The following KDM4A variants were observed in gnomAD, a reference collection of about 807,000 sequenced individuals.
KDM4A encodes lysine demethylase 4A.
Under a neutral mutation model 127.1 loss-of-function variants are expected in KDM4A, and 23 were observed. The observed-to-expected ratio is 0.18, with a 90% CI of 0.13 to 0.26. The LOEUF (loss-of-function observed/expected upper bound fraction) is 0.26, where lower values mean the gene tolerates loss of function less well. Among genes scored for constraint, KDM4A ranks in the 10% least tolerant of loss-of-function variants. The pLI is 1.00. For synonymous variants in KDM4A, 443 were observed against 466.5 expected, an observed-to-expected ratio of 0.95 and a Z score of 0.65; for missense variants, 890 against 1,329.1, an observed-to-expected ratio of 0.67 and a Z score of 5.14.
intron 5 of KDM4A, 125 bp downstream of exon 5, chr1:43,663,212 T>G: frequency 2.5e-6 from 2 of 801,590 alleles, no homozygotes; most frequent in South Asian, 3.7e-5. Context: ...GGGGTGACAT[T>G]CCATGTTTTA....
chr1:43,654,702 AGTGTGT>A (rs58710892), intron 2 of KDM4A, among the ~76,000 whole-genome samples: 17,734 of 131,746 alleles, frequency 0.13, 1,830 homozygotes, highest in African/African-American at 0.28. Context: ...GATGCTTGTG[AGTGTGT>A]GTGTGTGTGT....
chr1:43,690,969 A>G lies in KDM4A; in HGVS notation c.2162A>G (p.Asn721Ser), dbSNP rs767483636. 2.1e-5 allele frequency: 34 copies of G among 1,614,034 alleles called. No homozygotes were observed. In the South Asian group the frequency reaches 3.5e-4, roughly 17 times the overall value. Reference protein sequence around the residue: ...FTSTGCSTDINLSTPYLEEDG... With the variant: ...FTSTGCSTDISLSTPYLEEDG... ...TCGACTGGCTGCAGCACGGACATCAACCTTTCTACTCCTTATCTTGAGGAG... is the reference window on the plus strand; with the variant it reads ...TCGACTGGCTGCAGCACGGACATCAGCCTTTCTACTCCTTATCTTGAGGAG... Residue 721 changes from asparagine (N) to serine (S), a missense_variant, in exon 14 of 22, where the codon AAC (asparagine) becomes AGC (serine). Asn to Ser is a conservative substitution (Grantham distance 46). Around this residue, in one of 7 missense-constraint regions of KDM4A, gnomAD observed 389 missense variants for 485.9 expected, o/e 0.80. Transcript: ENST00000372396.
Position 43,704,524 on chromosome 1 carries a change from A to C in KDM4A, c.*154A>C, listed in dbSNP as rs2154049779. 1.2e-6 allele frequency: 1 copy of C among 805,634 alleles called. No individual in the cohort carries two copies. The highest frequency in any genetic ancestry group is 1.9e-6 in the Non-Finnish European group (1 of 514,834). The allele number at this position is 805,634 out of a possible 1,614,324, so 49.9% of individuals were successfully genotyped here. A position where few individuals can be genotyped will look rare whatever the true frequency, so the allele number is the denominator to read the frequency against. ...ACCCATCATCTTCTCACCCACCCTC[A>C]TTGCATTCCGCTGTAGTGAAAGGAC... On this transcript the variant is annotated 3_prime_UTR_variant, in exon 22 of 22. Transcript: ENST00000372396.
At chr1:43,665,100 C>G (rs943960099) in intron 5 of KDM4A, among the ~76,000 whole-genome samples, 2 of 152,116 alleles carry the variant, frequency 1.3e-5, no homozygotes, top group Non-Finnish European at 2.9e-5. Flanking sequence ...TTTTACTTTT[C>G]ATTTTTTAGG....
At chr1:43,650,990 A>G (rs988843840) in intron 1 of KDM4A, among the ~76,000 whole-genome samples, 6 of 152,162 alleles carry the variant, frequency 3.9e-5, no homozygotes, top group Non-Finnish European at 8.8e-5. Flanking sequence ...GGGATGAACA[A>G]TTGAGGTGAG....
intron 19 of KDM4A, among the ~76,000 whole-genome samples, chr1:43,701,524 G>A (rs1661393406): frequency 6.6e-6 from 1 of 152,064 alleles, no homozygotes; most frequent in Non-Finnish European, 1.5e-5. Context: ...GTCCTGCTCT[G>A]TTGCGCAGCA....
intron 4 of KDM4A, 29 bp downstream of exon 4, chr1:43,660,441 G>C: frequency 1.3e-6 from 2 of 1,564,542 alleles, no homozygotes; most frequent in Non-Finnish European, 1.7e-6. Context: ...CCTCTGTGCA[G>C]TGTTTTTGTA....
At chr1:43,651,940 T>G (rs2154046100) in intron 1 of KDM4A, among the ~76,000 whole-genome samples, 1 of 152,376 alleles carries the variant, frequency 6.6e-6, no homozygotes, top group Admixed American at 6.5e-5. Context: ...TTGATTTCAT[T>G]AAGTACTGCT....
intron 19 of KDM4A, 35 bp from the exon 20 acceptor site, chr1:43,703,582 G>T: frequency 6.2e-7 from 1 of 1,611,286 alleles, no homozygotes; most frequent in Non-Finnish European, 8.5e-7. Flanking sequence ...GCAGGTGGAC[G>T]TTCCTTTCAC....
chr1:43,687,198 TTAGGGTACACTGAGGCGGCGCACAA>T (rs1440671935), intron 12 of KDM4A, among the ~76,000 whole-genome samples: 4 of 152,238 alleles, frequency 2.6e-5, no homozygotes, highest in Non-Finnish European at 4.4e-5. Context: ...GTTGGTGTCC[TTAGGGTACACTGAGGCGGCGCACAA>T]TGGCAGCTGC....
chr1:43,660,483 G>T, intron 4 of KDM4A, 71 bp downstream of exon 4: 3 of 1,527,862 alleles, frequency 2.0e-6, no homozygotes, highest in East Asian at 2.5e-5. Context: ...GGCCCGGCAC[G>T]TAGTAGGCAC....
intron 19 of KDM4A, 183 bp from the exon 20 acceptor site, chr1:43,703,434 C>CA (rs1661458879): frequency 1.8e-6 from 1 of 555,212 alleles, no homozygotes; most frequent in East Asian, 3.3e-5. Flanking sequence ...CAGGAGAGGG[C>CA]AGAGATAGGG....
chr1:43,652,588 A>ATC (rs1350763959), intron 1 of KDM4A, among the ~76,000 whole-genome samples: 3 of 151,680 alleles, frequency 2.0e-5, no homozygotes, highest in Non-Finnish European at 4.4e-5. Flanking sequence ...AACTCAAGCG[A>ATC]TCTGCCCACC....
chr1:43,668,407 G>A (rs1205671690), intron 9 of KDM4A, among the ~76,000 whole-genome samples: 1 of 152,158 alleles, frequency 6.6e-6, no homozygotes, highest in Non-Finnish European at 1.5e-5. Context: ...TTACAGGTGT[G>A]AGCCACCGCG....
intron 1 of KDM4A, chr1:43,650,498 C>T (rs1051358301): frequency 2.6e-5 from 4 of 152,286 alleles, no homozygotes; most frequent in South Asian, 2.1e-4. Flanking sequence ...TTCCTGCGGC[C>T]GAGCTTCACT....
intron 11 of KDM4A, among the ~76,000 whole-genome samples, chr1:43,674,798 C>G (rs1001473872): frequency 1.3e-5 from 2 of 152,068 alleles, no homozygotes; most frequent in African/African-American, 2.4e-5. Flanking sequence ...TGTGAGCCAT[C>G]GCGCCTGGCC....
rs771216218 is a variant in KDM4A at position 43,652,679 on chromosome 1, C to CTT, written c.-39-440_-39-439dup. Among the ~76,000 whole-genome samples, 235 of 118,772 alleles carry CTT rather than the reference C, an allele frequency of 2.0e-3. 1 individual carries two copies. The highest frequency in any genetic ancestry group is 6.5e-3 in the African/African-American group (212 of 32,542). 77.9% of individuals were successfully genotyped at this position (118,772 alleles called of 152,430 possible). ...ATTACTTTTCTTTCTTTCTTTCTTT[C>CTT]TTTTTTTTTTTTTTTTTTTGAGACG... is the stretch of plus-strand genomic sequence containing the variant. On this transcript the variant is annotated intron_variant, in intron 1 of 21. Transcript: ENST00000372396.
chr1:43,698,924 G>T (rs1661311188), intron 19 of KDM4A, among the ~76,000 whole-genome samples: 1 of 151,910 alleles, frequency 6.6e-6, no homozygotes, highest in Non-Finnish European at 1.5e-5. Context: ...TGGTAGCTGG[G>T]ACTACAGGAA....
In KDM4A at chr1:43,689,077, C is replaced by T. The variant is rs1557917153; in HGVS notation, c.2019C>T (p.Ile673=). The T allele has an allele frequency of 6.2e-7, 1 of 1,614,180 alleles. No homozygotes were observed. Among genetic ancestry groups the T allele is most frequent in the Non-Finnish European group, 8.5e-7 (1 of 1,180,000 alleles). Residue 673 remains isoleucine (I), a synonymous_variant, in exon 13 of 22, where the codon ATC becomes ATT. Coordinates refer to ENST00000372396, the MANE Select transcript of KDM4A (RefSeq NM_014663.3). ...QQAPHCAVCM[I]FQTYHQVEFG... The stretch of plus-strand genomic sequence containing the variant: ...CCCCTCACTGCGCTGTCTGTATGAT[C>T]TTCCAGACTTATCATCAGGTAACCC...
Sources: gnomAD v4.1 joint callset for allele counts (sites outside exome capture counted in the v4.1 genomes callset) on GRCh38, gnomAD v4.1.1 for gene constraint, gnomAD v4.1.1 regional missense constraint, MANE v1.5 for transcripts, NCBI Gene and HGNC (gene_info 2026-07-23, HGNC 2026-07-21) for gene names.